GLDN: variants seen among roughly 807,000 people sequenced by gnomAD.
GLDN encodes gliomedin, also known as collomin.
GLDN carries 47 observed loss-of-function variants against 56.5 expected under a neutral mutation model. The ratio of observed to expected loss-of-function variants is 0.83; its 90% CI spans 0.66 to 1.06. The LOEUF (loss-of-function observed/expected upper bound fraction) is 1.06, where lower values mean the gene tolerates loss of function less well. Ranked by LOEUF, GLDN falls within the 50% of genes least tolerant of loss-of-function variation. The probability of loss-of-function intolerance (pLI) is 0.00; values close to 1 mark genes in which losing one functional copy is unlikely to be tolerated. For missense variants in GLDN, 782 were observed against 714.3 expected, an observed-to-expected ratio of 1.09 and a Z score of -1.08; for synonymous variants, 332 against 278.8, an observed-to-expected ratio of 1.19 and a Z score of -1.90.
At chr15:51,376,140 G>A (rs966310196) in intron 1 of GLDN, among the ~76,000 whole-genome samples, 5 of 152,120 alleles carry the variant, frequency 3.3e-5, no homozygotes, top group African/African-American at 4.8e-5. Context: ...TAAGAAATAC[G>A]TCATTAGGCA....
chr15:51,371,336 C>T (rs2037512301), intron 1 of GLDN, among the ~76,000 whole-genome samples: 1 of 152,142 alleles, frequency 6.6e-6, no homozygotes, highest in African/African-American at 2.4e-5. Flanking sequence ...TCCAGATATC[C>T]TTGTATACTC....
chr15:51,373,409 CTG>C lies in GLDN; in HGVS notation c.364-4036_364-4035del, dbSNP rs562190790. 9.4e-3 allele frequency among the ~76,000 whole-genome samples: 1,424 copies of C among 152,274 alleles called. 8 individuals carry two copies. The highest frequency in any genetic ancestry group is 0.017 in the Middle Eastern group (5 of 294). On this transcript the variant is annotated intron_variant, in intron 1 of 9. Coordinates refer to ENST00000335449, the MANE Select transcript of GLDN (RefSeq NM_181789.4). The stretch of plus-strand genomic sequence containing the variant: ...CCATGTTTGGTTGCGGATGCAGAAC[CTG>C]TGTATATGGATAACTGACTATATTT...
chr15:51,365,261 T>C (rs930735260), intron 1 of GLDN, among the ~76,000 whole-genome samples: 4 of 152,206 alleles, frequency 2.6e-5, no homozygotes, highest in African/African-American at 9.7e-5. Context: ...ATTTTTTTCA[T>C]TGTATGAGAT....
intron 2 of GLDN, among the ~76,000 whole-genome samples, chr15:51,380,832 T>C (rs942101016): frequency 2.6e-5 from 4 of 152,224 alleles, no homozygotes; most frequent in Admixed American, 1.3e-4. Flanking sequence ...CTAGCAGCTC[T>C]GGACCTTTTT....
At chr15:51,398,984 G>A (rs930795277) in intron 6 of GLDN, among the ~76,000 whole-genome samples, 1 of 152,226 alleles carries the variant, frequency 6.6e-6, no homozygotes, top group Non-Finnish European at 1.5e-5. Flanking sequence ...AGGGAAAATG[G>A]CTTTAAATGA....
rs753657395 is a variant in GLDN, at chr15:51,404,323, G to A, written c.1225G>A (p.Ala409Thr). ...ETSQTLKLEN[A>T]LYFDRKYLFA... Reference sequence around the variant, plus strand: ...ATCCCAAACTCTGAAGCTTGAAAATGCCTTGTATTTTGATCGAAAATACCT... The same window carrying A: ...ATCCCAAACTCTGAAGCTTGAAAATACCTTGTATTTTGATCGAAAATACCT... Residue 409 changes from alanine to threonine, a missense_variant, in exon 10 of 10, where the codon GCC (alanine) becomes ACC (threonine). Ala to Thr is a moderately conservative substitution (Grantham distance 58). Coordinates refer to ENST00000335449, the MANE Select transcript of GLDN (RefSeq NM_181789.4). 1.2e-6 allele frequency: 2 copies of A among 1,610,132 alleles called. No homozygotes were observed. The highest frequency in any genetic ancestry group is 2.2e-5 in the South Asian group (2 of 89,976).
At chr15:51,381,157 G>A (rs556985862) in intron 2 of GLDN, among the ~76,000 whole-genome samples, 1 of 152,320 alleles carries the variant, frequency 6.6e-6, no homozygotes, top group South Asian at 2.1e-4. Context: ...CTTGGCCACG[G>A]CTAACGTGTC....
Position 51,404,532 on chromosome 15 carries a change from C to T in GLDN, c.1434C>T (p.Ala478=). Reference sequence around the variant, plus strand: ...CCAAGGCTGGCAACGCCTTCATTGCCCGAGGAATCCTCTATGTCACAGACA... The same window carrying T: ...CCAAGGCTGGCAACGCCTTCATTGCTCGAGGAATCCTCTATGTCACAGACA... ...PKSKAGNAFI[A]RGILYVTDTK... The change falls in exon 10 of 10, where the codon GCC becomes GCT. Residue 478 remains alanine, a synonymous_variant. Coordinates refer to ENST00000335449, the MANE Select transcript of GLDN (RefSeq NM_181789.4). 6.2e-7 allele frequency: 1 copy of T among 1,614,154 alleles called. No homozygotes were observed. Among genetic ancestry groups the T allele is most frequent in the Middle Eastern group, 1.6e-4 (1 of 6,062 alleles).
rs1241688039 is a variant in GLDN at position 51,401,677 on chromosome 15, G to T, written c.1112G>T (p.Gly371Val). The change falls in exon 9 of 10, where the codon GGC becomes GTC. Residue 371 changes from glycine to valine, a missense_variant. Coordinates refer to ENST00000335449, the MANE Select transcript of GLDN (RefSeq NM_181789.4). ...TFIHLPYYFH[G>V]CGHVVYNNSL... ...ATCCACCTTCCATACTATTTCCATG[G>T]CTGTGGGCACGTTGTTTACAACAAC... The T allele has an allele frequency of 2.5e-6, 4 of 1,614,138 alleles. No homozygotes were observed. The highest frequency in any genetic ancestry group is 3.4e-6 in the Non-Finnish European group (4 of 1,179,994).
chr15:51,369,349 A>G (rs1416581825), intron 1 of GLDN, among the ~76,000 whole-genome samples: 1 of 152,224 alleles, frequency 6.6e-6, no homozygotes, highest in Admixed American at 6.5e-5. Context: ...GAGATATGGA[A>G]TTTAAGTTAC....
At position 51,404,442 on chromosome 15, in the gene GLDN, T is replaced by G; in HGVS notation, c.1344T>G (p.Leu448=). ...YASSVDGSSI[L]VAQLDERTFS... is the part of the protein sequence containing the mutation. ...CAAGTGTGGACGGCTCGAGCATTCT[T>G]GTAGCACAACTGGATGAGAGGACAT... Residue 448 remains leucine, a synonymous_variant, in exon 10 of 10, where the codon CTT becomes CTG. Coordinates refer to ENST00000335449, the MANE Select transcript of GLDN (RefSeq NM_181789.4). The G allele has an allele frequency of 6.2e-7, 1 of 1,614,172 alleles. No individual in the cohort carries two copies. Among genetic ancestry groups the G allele is most frequent in the African/African-American group, 1.3e-5 (1 of 75,052 alleles).
intron 1 of GLDN, among the ~76,000 whole-genome samples, chr15:51,354,261 G>C (rs1462716848): frequency 6.6e-6 from 1 of 152,166 alleles, no homozygotes; most frequent in Non-Finnish European, 1.5e-5. Flanking sequence ...TTGTGAATAA[G>C]TGTACTCCAA....
intron 4 of GLDN, among the ~76,000 whole-genome samples, chr15:51,391,274 T>C (rs955853028): frequency 7.1e-6 from 1 of 140,968 alleles, no homozygotes; most frequent in African/African-American, 3.1e-5. Context: ...AACATTTCCC[T>C]GTTTCACATA....
Position 51,400,271 on chromosome 15 carries a change from A to G in GLDN, c.897A>G (p.Gln299=). Residue 299 remains glutamine (Q), a synonymous_variant, in exon 7 of 10, where the codon CAA becomes CAG. Coordinates refer to ENST00000335449, the MANE Select transcript of GLDN (RefSeq NM_181789.4). ...DEKASEHHSP[Q]AESMITSIGN... ...AAGCCAGTGAACACCATTCCCCACA[A>G]GCAGGTATAGAAACAAAGCGTCCTG... 1 of 1,614,242 alleles carries G rather than the reference A, an allele frequency of 6.2e-7. No homozygotes were observed. The highest frequency in any genetic ancestry group is 8.5e-7 in the Non-Finnish European group (1 of 1,180,018).
chr15:51,409,562 T>TA (rs1478592922), downstream of GLDN, among the ~76,000 whole-genome samples: 1 of 152,236 alleles, frequency 6.6e-6, no homozygotes, highest in Non-Finnish European at 1.5e-5. Flanking sequence ...AGAAGTGGTT[T>TA]AAACTACTTC....
intron 3 of GLDN, 111 bp downstream of exon 3, chr15:51,383,564 C>T (rs927266241): frequency 1.5e-6 from 2 of 1,292,404 alleles, no homozygotes; most frequent in African/African-American, 1.5e-5. Context: ...GCAGTCCTGG[C>T]TGTGTGTCTC....
chr15:51,380,708 C>G (rs2037739388), intron 2 of GLDN, among the ~76,000 whole-genome samples: 2 of 152,220 alleles, frequency 1.3e-5, no homozygotes, highest in African/African-American at 4.8e-5. Flanking sequence ...TGTCTTCTGA[C>G]AACTCTCTCT....
chr15:51,350,826 C>T (rs2037063110), intron 1 of GLDN, among the ~76,000 whole-genome samples: 1 of 152,142 alleles, frequency 6.6e-6, no homozygotes, highest in Admixed American at 6.5e-5. Context: ...CATCTGGACC[C>T]ATGAAAATAG....
Position 51,403,203 on chromosome 15 carries a change from C to G in GLDN, c.1179-1074C>G, listed in dbSNP as rs575274639. ...ACGGAGAAGCAGAGCTGAATTCGAC[C>G]CTGTAATTGCTGGGAGAGATGGGTC... On this transcript the variant is annotated intron_variant, in intron 9 of 9. Transcript: ENST00000335449. Among the ~76,000 whole-genome samples the G allele has an allele frequency of 9.2e-4, 140 of 152,248 alleles. 2 individuals carry two copies. The highest frequency in any genetic ancestry group is 3.2e-3 in the African/African-American group (134 of 41,536).
Sources: gnomAD v4.1 joint callset for allele counts (sites outside exome capture counted in the v4.1 genomes callset) on GRCh38, gnomAD v4.1.1 for gene constraint, MANE v1.5 for transcripts, NCBI Gene and HGNC (gene_info 2026-07-23, HGNC 2026-07-21) for gene names.